NBPF14: variants seen among roughly 807,000 people sequenced by gnomAD.
NBPF14 encodes NBPF member 14.
NBPF14 carries 104 observed loss-of-function variants against 91.2 expected under a neutral mutation model. That is an observed-to-expected ratio of 1.14 (90% CI 0.97 to 1.34). The LOEUF (loss-of-function observed/expected upper bound fraction) is 1.34, where lower values mean the gene tolerates loss of function less well. NBPF14 is among the 40% of genes most tolerant of loss of function. The pLI, the probability that NBPF14 is intolerant of heterozygous loss-of-function variation, is 0.00. For synonymous variants in NBPF14, 294 were observed against 303.8 expected (o/e 0.97, Z 0.34); for missense variants, 908 against 783.0 (o/e 1.16, Z -1.91).
intron 36 of NBPF14, among the ~76,000 whole-genome samples, 186 bp from the exon 37 acceptor site, chr1:148,560,151 A>C (rs1320387351): frequency 6.6e-6 from 1 of 151,198 alleles, no homozygotes; most frequent in South Asian, 2.1e-4. Context: ...ATGAAAGAGA[A>C]AGACAGAGAG....
intron 34 of NBPF14, among the ~76,000 whole-genome samples, chr1:148,561,886 G>A (rs1194366729): frequency 2.3e-5 from 3 of 131,136 alleles, no homozygotes; most frequent in African/African-American, 1.2e-4. Flanking sequence ...CACTGATGAG[G>A]GAGTAACAGG....
chr1:148,561,802 A>AC lies in NBPF14; in HGVS notation c.4275-224_4275-223insG, dbSNP rs1657808782. ...ACACACACACACACACACACACACA[A>AC]ACACACACACACACACAGAGAGAGA... On this transcript the variant is annotated intron_variant, in intron 34 of 70. Coordinates refer to ENST00000619423, the Ensembl canonical transcript of NBPF14. 3.9e-4 allele frequency among the ~76,000 whole-genome samples: 37 copies of AC among 95,592 alleles called. 1 individual carries two copies. The highest frequency in any genetic ancestry group is 1.6e-3 in the African/African-American group (32 of 19,690). The allele number at this position is 95,592 out of a possible 152,430, so 62.7% of individuals were successfully genotyped here. A position where few individuals can be genotyped will look rare whatever the true frequency, so the allele number is the denominator to read the frequency against.
intron 70 of NBPF14, 53 bp downstream of exon 70, chr1:148,533,808 G>A: frequency 3.9e-6 from 3 of 766,998 alleles, no homozygotes; most frequent in Non-Finnish European, 7.2e-6. Flanking sequence ...CCCTGAATCT[G>A]TTGCCTCCAG....
intron 12 of NBPF14, among the ~76,000 whole-genome samples, chr1:148,581,479 G>A (rs1660929576): frequency 6.6e-6 from 1 of 151,450 alleles, no homozygotes. Context: ...CACCAACAGT[G>A]TAAAAGTGTT....
chr1:148,571,326 G>A (rs1425488200), intron 22 of NBPF14, among the ~76,000 whole-genome samples: 2 of 74,048 alleles, frequency 2.7e-5, no homozygotes, highest in South Asian at 4.9e-4. Context: ...GTGACACACT[G>A]ATGAGGGAGT....
intron 69 of NBPF14, among the ~76,000 whole-genome samples, chr1:148,534,465 A>G (rs1396847391): frequency 6.6e-6 from 1 of 151,742 alleles, no homozygotes; most frequent in Non-Finnish European, 1.5e-5. Context: ...AGGGCGCCAC[A>G]GGTATGGCCT....
At chr1:148,558,218 T>G (rs1657026736) in intron 39 of NBPF14, 34 bp downstream of exon 39, 1 of 198,790 alleles carries the variant, frequency 5.0e-6, no homozygotes, top group South Asian at 2.8e-5. Context: ...GAAGACCAGG[T>G]GGAGGCTTAT....
intron 68 of NBPF14, among the ~76,000 whole-genome samples, chr1:148,535,173 A>G (rs1654864324): frequency 6.7e-6 from 1 of 149,918 alleles, no homozygotes; most frequent in Admixed American, 6.7e-5. Context: ...AGTGATCATG[A>G]AAAGAGGGGG....
At chr1:148,589,653 G>A (rs1571048013) in intron 6 of NBPF14, among the ~76,000 whole-genome samples, 2 of 107,376 alleles carry the variant, frequency 1.9e-5, no homozygotes, top group East Asian at 4.7e-4. Flanking sequence ...TTGGCCCTGA[G>A]ATTTTTACCC....
chr1:148,575,534 C>A, intron 17 of NBPF14, 105 bp downstream of exon 17: 2 of 98,378 alleles, frequency 2.0e-5, no homozygotes, highest in Non-Finnish European at 3.4e-5. Flanking sequence ...GTCCTGCCTG[C>A]GGCAATGACG....
rs1456235186 is a variant in NBPF14 at position 148,579,739 on chromosome 1, A to G, written c.1638-502T>C. ...CTACCAACAAATAGGAAGAAAGCAT[A>G]TATACACCTCTCCCTGGATTTAGAC... On this transcript the variant is annotated intron_variant, in intron 12 of 70. Transcript: ENST00000619423. Among the ~76,000 whole-genome samples, 679 of 152,136 alleles carry G rather than the reference A, an allele frequency of 4.5e-3. 4 individuals are homozygous for G. The highest frequency in any genetic ancestry group is 7.6e-3 in the Non-Finnish European group (515 of 67,928).
intron 69 of NBPF14, 100 bp downstream of exon 69, chr1:148,534,584 A>T (rs1483338200): frequency 3.6e-6 from 3 of 838,618 alleles, no homozygotes; most frequent in East Asian, 2.4e-5. Flanking sequence ...GCCTGCGGCA[A>T]TGACATCTCT....
rs1488239666 is a variant in NBPF14 at position 148,593,203 on chromosome 1, G to A, written c.278+395C>T. ...GAAAGAAGAAAAGAAGGACAGGGTC[G>A]AGGAGGCAACATTGATTGAGTGAAA... On this transcript the variant is annotated intron_variant, in intron 3 of 70. Transcript: ENST00000619423. Among the ~76,000 whole-genome samples the A allele has an allele frequency of 2.2e-4, 32 of 148,606 alleles. 4 individuals are homozygous for A. The highest frequency in any genetic ancestry group is 7.2e-3 in the Middle Eastern group (2 of 278).
chr1:148,566,477 G>T (rs1484884197), intron 28 of NBPF14, among the ~76,000 whole-genome samples, 162 bp from the exon 29 acceptor site: 12 of 141,174 alleles, frequency 8.5e-5, no homozygotes, highest in Non-Finnish European at 1.1e-4. Context: ...ACAGAACAGG[G>T]CCAAATGGAA....
rs1311542736 is a variant in NBPF14, at chr1:148,539,275, C to G, written c.7882+135G>C. The G allele has an allele frequency of 2.2e-5, 14 of 634,984 alleles. 2 individuals are homozygous for G. The highest frequency in any genetic ancestry group is 3.9e-5 in the Non-Finnish European group (14 of 360,146). 39.3% of individuals were successfully genotyped at this position (634,984 alleles called of 1,614,324 possible). A position where few individuals can be genotyped will look rare whatever the true frequency, so the allele number is the denominator to read the frequency against. Reference sequence around the variant, plus strand: ...TCCAACTGAGACTACAGTTTCTTTACAACCTATATGCGCCCATAGGTCCTG... The same window carrying G: ...TCCAACTGAGACTACAGTTTCTTTAGAACCTATATGCGCCCATAGGTCCTG... On this transcript the variant is annotated intron_variant, in intron 63 of 70. Transcript: ENST00000619423.
At chr1:148,534,280 G>A (rs1251335027) in intron 69 of NBPF14, among the ~76,000 whole-genome samples, 2 of 151,846 alleles carry the variant, frequency 1.3e-5, no homozygotes, top group East Asian at 1.9e-4. Context: ...TGATTTCTAG[G>A]AGAAAAACTG....
At chr1:148,559,348 A>T (rs1228499546) in intron 37 of NBPF14, among the ~76,000 whole-genome samples, 1 of 128,834 alleles carries the variant, frequency 7.8e-6, no homozygotes, top group Non-Finnish European at 1.5e-5. Context: ...ATATTTTTCC[A>T]ATCGATTTAA....
At position 148,559,910 on chromosome 1, in the gene NBPF14, C is replaced by G. The variant is rs1393701442; in HGVS notation, c.4612G>C (p.Asp1538His). The G allele has an allele frequency of 4.1e-5, 53 of 1,299,652 alleles. 2 individuals carry two copies. The highest frequency in any genetic ancestry group is 2.5e-5 in the East Asian group (1 of 39,564). The allele number at this position is 1,299,652 out of a possible 1,614,324, so 80.5% of individuals were successfully genotyped here. A position where few individuals can be genotyped will look rare whatever the true frequency, so the allele number is the denominator to read the frequency against. The stretch of plus-strand genomic sequence containing the variant: ...CCTGAAGGAGTTGAATAACATCTAT[C>G]CAGTGAGTCCTGCAAGACTTCAGGC... Residue 1538 changes from aspartate (D) to histidine (H), a missense_variant, in exon 37 of 71, where the codon GAT becomes CAT. Around this residue, in one of 13 missense-constraint regions of NBPF14, gnomAD observed 447 missense variants for 189.1 expected, o/e 2.36. Coordinates refer to ENST00000619423, the Ensembl canonical transcript of NBPF14.
intron 34 of NBPF14, among the ~76,000 whole-genome samples, chr1:148,561,790 C>A (rs1421657407): frequency 1.4e-4 from 18 of 125,164 alleles, no homozygotes; most frequent in Admixed American, 1.0e-3. Context: ...CACACACACA[C>A]ACACACACAC....
Sources: gnomAD v4.1 joint callset for allele counts (sites outside exome capture counted in the v4.1 genomes callset) on GRCh38, gnomAD v4.1.1 for gene constraint, gnomAD v4.1.1 regional missense constraint, MANE v1.5 for transcripts, NCBI Gene and HGNC (gene_info 2026-07-23, HGNC 2026-07-21) for gene names.